Variants in CSNK2A2IP observed in about 807,000 individuals in gnomAD.
CSNK2A2IP encodes casein kinase 2 subunit alpha' interacting protein, also known as casein kinase II subunit alpha'-interacting protein.
At chr3:88,361,715 T>C in the CSNK2A2IP span, among the ~76,000 whole-genome samples, 6 of 152,284 alleles carry the variant, frequency 3.9e-5, no homozygotes, top group South Asian at 1.2e-3. Context: ...TTTTCTACTC[T>C]GATCTTTTAC....
At chr3:88,367,807 T>C in the CSNK2A2IP span, among the ~76,000 whole-genome samples, 1 of 152,090 alleles carries the variant, frequency 6.6e-6, no homozygotes, top group Non-Finnish European at 1.5e-5. Context: ...CAAAGGCTGG[T>C]TGAACTAAAC....
At chr3:88,455,886 A>G in the CSNK2A2IP span, among the ~76,000 whole-genome samples, 1 of 139,248 alleles carries the variant, frequency 7.2e-6, no homozygotes, top group Non-Finnish European at 1.6e-5. Flanking sequence ...TGTAAGGTCT[A>G]AGAGAAGGGT....
At chr3:88,375,933 T>C in the CSNK2A2IP span, among the ~76,000 whole-genome samples, 1 of 151,778 alleles carries the variant, frequency 6.6e-6, no homozygotes, top group South Asian at 2.1e-4. Context: ...AGTTGTTACT[T>C]CCTCTTTCTG....
the CSNK2A2IP span, among the ~76,000 whole-genome samples, chr3:88,405,130 C>T: frequency 2.0e-5 from 3 of 152,234 alleles, no homozygotes; most frequent in East Asian, 5.8e-4. Flanking sequence ...ACTATAAATT[C>T]CACTTGCCCA....
At chr3:88,466,155 A>T in the CSNK2A2IP span, 3 of 1,231,550 alleles carry the variant, frequency 2.4e-6, no homozygotes, top group Non-Finnish European at 3.0e-6. Flanking sequence ...AACCCAATCA[A>T]ATTGCTCTTA....
chr3:88,437,653 A>G, the CSNK2A2IP span, among the ~76,000 whole-genome samples: 1 of 152,190 alleles, frequency 6.6e-6, no homozygotes, highest in Non-Finnish European at 1.5e-5. Flanking sequence ...AATACTAATT[A>G]AAAAAATCTT....
the CSNK2A2IP span, among the ~76,000 whole-genome samples, chr3:88,460,312 C>A: frequency 2.0e-5 from 3 of 152,134 alleles, no homozygotes. Context: ...GAAACTGGGA[C>A]ACATTCAGAA....
the CSNK2A2IP span, among the ~76,000 whole-genome samples, chr3:88,418,689 G>T: frequency 6.6e-6 from 1 of 151,992 alleles, no homozygotes; most frequent in African/African-American, 2.4e-5. Flanking sequence ...GGGTACATGT[G>T]CAGGTTTGTC....
the CSNK2A2IP span, among the ~76,000 whole-genome samples, chr3:88,388,456 G>T: frequency 6.6e-6 from 1 of 152,120 alleles, no homozygotes; most frequent in Non-Finnish European, 1.5e-5. Flanking sequence ...ACAGTCTTTG[G>T]TCAGAATCTT....
chr3:88,427,483 G>GT, the CSNK2A2IP span, among the ~76,000 whole-genome samples: 1 of 152,162 alleles, frequency 6.6e-6, no homozygotes, highest in South Asian at 2.1e-4. Flanking sequence ...TCTCCAGGGC[G>GT]TATCAGAGAC....
the CSNK2A2IP span, among the ~76,000 whole-genome samples, chr3:88,427,497 T>C: frequency 2.6e-5 from 4 of 152,194 alleles, no homozygotes; most frequent in Non-Finnish European, 4.4e-5. Flanking sequence ...CAGAGACTTC[T>C]ATGGCAGCCC....
At chr3:88,411,862 A>G in the CSNK2A2IP span, among the ~76,000 whole-genome samples, 1 of 151,188 alleles carries the variant, frequency 6.6e-6, no homozygotes, top group Non-Finnish European at 1.5e-5. Flanking sequence ...AACATATAAT[A>G]AGAAAATATT....
chr3:88,442,587 C>T, the CSNK2A2IP span, among the ~76,000 whole-genome samples: 1 of 152,032 alleles, frequency 6.6e-6, no homozygotes, highest in East Asian at 1.9e-4. Flanking sequence ...ATACCAAACA[C>T]TTTATTTACA....
At chr3:88,399,858 C>A in the CSNK2A2IP span, 2 of 152,112 alleles carry the variant, frequency 1.3e-5, no homozygotes, top group Admixed American at 6.5e-5. Flanking sequence ...AACCGGGGAA[C>A]CTGAATCTTG....
At chr3:88,463,865 C>T in the CSNK2A2IP span, among the ~76,000 whole-genome samples, 1 of 151,936 alleles carries the variant, frequency 6.6e-6, no homozygotes, top group African/African-American at 2.4e-5. Context: ...ATGTTTATTG[C>T]AGCACTATTC....
the CSNK2A2IP span, among the ~76,000 whole-genome samples, chr3:88,446,042 C>G: frequency 0.012 from 487 of 40,098 alleles, 25 homozygotes; most frequent in Non-Finnish European, 0.017. Flanking sequence ...TTCTTTCTTT[C>G]TTTCTTTCTT....
chr3:88,383,080 C>G, the CSNK2A2IP span, among the ~76,000 whole-genome samples: 1 of 150,050 alleles, frequency 6.7e-6, no homozygotes, highest in Non-Finnish European at 1.5e-5. Context: ...TCCTCCTCCC[C>G]TCTCTTCCCT....
chr3:88,457,649 T>C, the CSNK2A2IP span, among the ~76,000 whole-genome samples: 884 of 151,258 alleles, frequency 5.8e-3, 13 homozygotes, highest in African/African-American at 0.02. Context: ...TGAGCCGAGA[T>C]CGTGCTATTG....
At chr3:88,343,726 T>C in the CSNK2A2IP span, among the ~76,000 whole-genome samples, 1 of 151,928 alleles carries the variant, frequency 6.6e-6, no homozygotes, top group Non-Finnish European at 1.5e-5. Flanking sequence ...ATTGGGAGAC[T>C]GACACAAAAA....
Sources: gnomAD v4.1 joint callset for allele counts (sites outside exome capture counted in the v4.1 genomes callset) on GRCh38, gnomAD v4.1.1 for gene constraint, MANE v1.5 for transcripts, NCBI Gene and HGNC (gene_info 2026-07-23, HGNC 2026-07-21) for gene names.